The following STYX variants were observed in gnomAD, a reference collection of about 807,000 sequenced individuals.
The protein encoded by STYX is serine/threonine/tyrosine-interacting protein.
In STYX, 20 loss-of-function variants were observed where a neutral mutation model predicts 42.7. That is an observed-to-expected ratio of 0.47 (90% CI 0.33 to 0.68). STYX has a LOEUF of 0.68. Among genes scored for constraint, STYX ranks in the 30% least tolerant of loss-of-function variants. The pLI is 0.02. For synonymous variants in STYX, 78 were observed against 81.9 expected (o/e 0.95, Z 0.26); for missense variants, 226 against 268.5 (o/e 0.84, Z 1.11).
At chr14:52,754,135 G>T (rs939308525) in intron 4 of STYX, among the ~76,000 whole-genome samples, 19 of 151,984 alleles carry the variant, frequency 1.3e-4, no homozygotes, top group African/African-American at 4.3e-4. Flanking sequence ...TGATCCGCCT[G>T]CCTTGGCCTC....
intron 10 of STYX, among the ~76,000 whole-genome samples, 196 bp downstream of exon 10, chr14:52,769,129 C>T (rs898740763): frequency 6.6e-6 from 1 of 151,980 alleles, no homozygotes; most frequent in Admixed American, 6.6e-5. Flanking sequence ...GTAGTACATC[C>T]GTGTTGTAAA....
chr14:52,765,679 C>T (rs898234055), intron 9 of STYX, among the ~76,000 whole-genome samples: 15 of 152,040 alleles, frequency 9.9e-5, no homozygotes, highest in African/African-American at 3.1e-4. Context: ...GATGGGGTGG[C>T]GGGGGAGATG....
chr14:52,733,964 A>T (rs1880839116), intron 1 of STYX, among the ~76,000 whole-genome samples: 1 of 151,936 alleles, frequency 6.6e-6, no homozygotes, highest in Non-Finnish European at 1.5e-5. Flanking sequence ...GAACTTTCCC[A>T]TTGGCCATTC....
intron 1 of STYX, among the ~76,000 whole-genome samples, chr14:52,735,299 T>C (rs985183126): frequency 2.0e-5 from 3 of 152,148 alleles, no homozygotes; most frequent in African/African-American, 7.2e-5. Flanking sequence ...CCAGCTTCTG[T>C]GTTTGAAATC....
Position 52,746,409 on chromosome 14 carries a change from A to C in STYX, c.91-17A>C, listed in dbSNP as rs1174089460. The C allele has an allele frequency of 3.9e-6, 6 of 1,549,208 alleles. No individual in the cohort carries two copies. The highest frequency in any genetic ancestry group is 2.9e-5 in the African/African-American group (2 of 69,632). On this transcript the variant is annotated splice_polypyrimidine_tract_variant and intron_variant, in intron 2 of 10. Transcript: ENST00000354586. ...TAAATTGCTGATGGTAAATACCTCA[A>C]ATTTTTTTTTTTCTAGGAAATTTTA...
chr14:52,763,183 C>T (rs1882168461), intron 9 of STYX, among the ~76,000 whole-genome samples: 2 of 152,020 alleles, frequency 1.3e-5, no homozygotes, highest in African/African-American at 4.8e-5. Context: ...TGAGCCACTG[C>T]TCCTGGCCTG....
At chr14:52,756,741 G>C in intron 5 of STYX, 130 bp downstream of exon 5, 2 of 431,136 alleles carry the variant, frequency 4.6e-6, no homozygotes, top group Non-Finnish European at 7.7e-6. Context: ...AGGCTGGAGT[G>C]CAATGGCGCA....
chr14:52,770,231 A>G (rs970939878), intron 10 of STYX, among the ~76,000 whole-genome samples: 2 of 152,132 alleles, frequency 1.3e-5, no homozygotes, highest in Non-Finnish European at 2.9e-5. Context: ...TATTGATACT[A>G]TATTTTTATC....
intron 9 of STYX, among the ~76,000 whole-genome samples, chr14:52,768,489 C>T (rs914004155): frequency 6.6e-6 from 1 of 152,088 alleles, no homozygotes. Context: ...CTTTATTCTT[C>T]TATCTATAAC....
intron 4 of STYX, among the ~76,000 whole-genome samples, chr14:52,752,994 C>T (rs1881691563): frequency 6.8e-6 from 1 of 147,408 alleles, no homozygotes; most frequent in African/African-American, 2.5e-5. Context: ...GATTCTCCTG[C>T]CTCAGCCTCC....
chr14:52,744,745 A>G, intron 1 of STYX, 107 bp from the exon 2 acceptor site: 2 of 1,004,622 alleles, frequency 2.0e-6, no homozygotes, highest in Non-Finnish European at 3.0e-6. Flanking sequence ...TTCTTAAAGT[A>G]TAATGTAACT....
chr14:52,753,191 A>G (rs1881700914), intron 4 of STYX, among the ~76,000 whole-genome samples: 1 of 151,594 alleles, frequency 6.6e-6, no homozygotes, highest in Non-Finnish European at 1.5e-5. Flanking sequence ...CTGAGATTAC[A>G]GGTGCCCACC....
intron 6 of STYX, 30 bp downstream of exon 6, chr14:52,757,385 G>A (rs1202133064): frequency 1.9e-6 from 3 of 1,559,404 alleles, no homozygotes; most frequent in South Asian, 2.3e-5. Context: ...CTTAACTAAT[G>A]TTTATATTTT....
intron 9 of STYX, among the ~76,000 whole-genome samples, chr14:52,768,100 C>T (rs992666185): frequency 1.3e-5 from 2 of 152,150 alleles, no homozygotes; most frequent in Non-Finnish European, 2.9e-5. Flanking sequence ...TATTTTAGGT[C>T]ACCTTTTTTA....
chr14:52,747,886 C>T (rs1197791680), intron 3 of STYX, among the ~76,000 whole-genome samples: 2 of 152,044 alleles, frequency 1.3e-5, no homozygotes, highest in African/African-American at 4.8e-5. Flanking sequence ...CAGCTACTCG[C>T]GAGGCTGAGG....
chr14:52,742,838 C>G, intron 1 of STYX, among the ~76,000 whole-genome samples: 1 of 150,846 alleles, frequency 6.6e-6, no homozygotes, highest in East Asian at 1.9e-4. Flanking sequence ...CTGATGTTGC[C>G]TAGGCTGGAG....
intron 1 of STYX, among the ~76,000 whole-genome samples, chr14:52,736,732 C>T (rs758739028): frequency 1.1e-4 from 17 of 152,150 alleles, no homozygotes; most frequent in Non-Finnish European, 2.1e-4. Context: ...TGGACCCTAC[C>T]AGCACCTATT....
chr14:52,765,444 C>T (rs1427402492), intron 9 of STYX, among the ~76,000 whole-genome samples: 2 of 152,174 alleles, frequency 1.3e-5, no homozygotes, highest in African/African-American at 2.4e-5. Context: ...CTCAAACTTC[C>T]GACCTCAGGT....
chr14:52,740,323 C>G (rs753866789), intron 1 of STYX, among the ~76,000 whole-genome samples: 1 of 152,208 alleles, frequency 6.6e-6, no homozygotes, highest in Non-Finnish European at 1.5e-5. Flanking sequence ...ACATTTCCCT[C>G]ATTGCTGGCT....
Sources: gnomAD v4.1 joint callset for allele counts (sites outside exome capture counted in the v4.1 genomes callset) on GRCh38, gnomAD v4.1.1 for gene constraint, MANE v1.5 for transcripts, NCBI Gene and HGNC (gene_info 2026-07-23, HGNC 2026-07-21) for gene names.